TMEM132B: variants seen among roughly 807,000 people sequenced by gnomAD.
TMEM132B encodes transmembrane protein 132B.
TMEM132B carries 18 observed loss-of-function variants against 90.8 expected under a neutral mutation model. The ratio of observed to expected loss-of-function variants is 0.20; its 90% CI spans 0.14 to 0.29. The LOEUF is 0.29. Ranked by LOEUF, TMEM132B falls within the 10% of genes least tolerant of loss-of-function variation. TMEM132B has a pLI of 1.00. For synonymous variants in TMEM132B, 504 were observed against 523.3 expected (o/e 0.96, Z 0.50); for missense variants, 1,096 against 1,326.8 (o/e 0.83, Z 2.70).
intron 3 of TMEM132B, among the ~76,000 whole-genome samples, chr12:125,515,744 TCA>T (rs1883130239): frequency 1.3e-5 from 2 of 151,420 alleles, no homozygotes; most frequent in African/African-American, 4.9e-5. Context: ...ACACACATTC[TCA>T]CACATATTCA....
At chr12:125,509,914 G>A (rs1882937699) in intron 3 of TMEM132B, among the ~76,000 whole-genome samples, 1 of 152,152 alleles carries the variant, frequency 6.6e-6, no homozygotes, top group Non-Finnish European at 1.5e-5. Context: ...TTCTCTTTAA[G>A]GAGACCTGAA....
chr12:125,566,560 C>T (rs1313216265), intron 4 of TMEM132B, among the ~76,000 whole-genome samples: 1 of 152,120 alleles, frequency 6.6e-6, no homozygotes, highest in Non-Finnish European at 1.5e-5. Context: ...GTTGAGAGTT[C>T]CCTGTGGGGA....
At chr12:125,263,073 C>T (rs918426078) in intron 1 of TMEM132B, among the ~76,000 whole-genome samples, 1 of 152,198 alleles carries the variant, frequency 6.6e-6, no homozygotes, top group African/African-American at 2.4e-5. Context: ...TAGAACTGCT[C>T]GTTCCTTCTC....
At chr12:125,555,365 G>A (rs1432975536) in intron 4 of TMEM132B, among the ~76,000 whole-genome samples, 1 of 151,786 alleles carries the variant, frequency 6.6e-6, no homozygotes, top group Non-Finnish European at 1.5e-5. Flanking sequence ...AAGGCAGGAG[G>A]ATGTTAAAAT....
intron 4 of TMEM132B, among the ~76,000 whole-genome samples, chr12:125,529,920 A>C (rs527496255): frequency 6.6e-6 from 1 of 152,298 alleles, no homozygotes; most frequent in South Asian, 2.1e-4. Context: ...TTATCTTTCT[A>C]TGTATCTACA....
At chr12:125,648,025 G>A (rs1464068084) in intron 6 of TMEM132B, among the ~76,000 whole-genome samples, 3 of 149,132 alleles carry the variant, frequency 2.0e-5, no homozygotes, top group Non-Finnish European at 4.4e-5. Context: ...CTAGCATTAG[G>A]TATATCTCCC....
At chr12:125,300,074 G>A (rs943992216) in intron 1 of TMEM132B, among the ~76,000 whole-genome samples, 1 of 152,190 alleles carries the variant, frequency 6.6e-6, no homozygotes, top group Admixed American at 6.5e-5. Context: ...TGTGCTTGCT[G>A]CCTGCAACAC....
At chr12:125,366,771 A>T (rs1878145677) in intron 2 of TMEM132B, among the ~76,000 whole-genome samples, 1 of 151,748 alleles carries the variant, frequency 6.6e-6, no homozygotes, top group East Asian at 1.9e-4. Flanking sequence ...TCATTTCCTT[A>T]CTCCTCTGCA....
intron 3 of TMEM132B, among the ~76,000 whole-genome samples, chr12:125,449,930 T>G (rs1881105537): frequency 6.6e-6 from 1 of 152,214 alleles, no homozygotes; most frequent in Non-Finnish European, 1.5e-5. Context: ...CATTTGAATA[T>G]TAAATGTAGA....
chr12:125,586,054 T>A (rs1177401013), intron 5 of TMEM132B: 1 of 152,238 alleles, frequency 6.6e-6, no homozygotes, highest in Non-Finnish European at 1.5e-5. Flanking sequence ...CACAGAGCTA[T>A]GACCTTGGCA....
chr12:125,638,460 A>G (rs1490534694), intron 5 of TMEM132B, among the ~76,000 whole-genome samples: 1 of 152,240 alleles, frequency 6.6e-6, no homozygotes, highest in Non-Finnish European at 1.5e-5. Context: ...CACTAAACTC[A>G]GTAATACATA....
At chr12:125,377,593 G>T (rs11058154) in intron 2 of TMEM132B, among the ~76,000 whole-genome samples, 18,959 of 152,068 alleles carry the variant, frequency 0.12, 1,332 homozygotes, top group South Asian at 0.2. Flanking sequence ...TGTGTAAGTA[G>T]CTCAGAACAG....
chr12:125,570,542 A>G (rs1468797023), intron 4 of TMEM132B, among the ~76,000 whole-genome samples: 1 of 152,196 alleles, frequency 6.6e-6, no homozygotes, highest in Non-Finnish European at 1.5e-5. Context: ...TCTGAGTGCT[A>G]TCCTATTTGA....
chr12:125,211,095 G>C (rs988806270), intron 1 of TMEM132B, among the ~76,000 whole-genome samples: 3 of 151,992 alleles, frequency 2.0e-5, no homozygotes, highest in Non-Finnish European at 4.4e-5. Flanking sequence ...AAAACAAGGG[G>C]ATTATTTTTT....
At chr12:125,564,827 C>A (rs1884623708) in intron 4 of TMEM132B, among the ~76,000 whole-genome samples, 2 of 152,210 alleles carry the variant, frequency 1.3e-5, no homozygotes, top group African/African-American at 4.8e-5. Context: ...ATCTGAGAGA[C>A]AGCCACGCAA....
At chr12:125,613,473 A>G (rs1468257964) in intron 5 of TMEM132B, among the ~76,000 whole-genome samples, 3 of 151,702 alleles carry the variant, frequency 2.0e-5, no homozygotes, top group African/African-American at 7.2e-5. Flanking sequence ...GTTTGAATTT[A>G]CATTTTCTAC....
At chr12:125,287,391 G>A (rs1051497720) in intron 1 of TMEM132B, among the ~76,000 whole-genome samples, 29 of 152,056 alleles carry the variant, frequency 1.9e-4, no homozygotes, top group Non-Finnish European at 2.9e-5. Context: ...ATCTTTTGGG[G>A]GAGGCATTTA....
chr12:125,416,556 T>TGAA (rs1880020124), intron 3 of TMEM132B, among the ~76,000 whole-genome samples: 1 of 152,268 alleles, frequency 6.6e-6, no homozygotes, highest in Non-Finnish European at 1.5e-5. Flanking sequence ...TGTGAATGAA[T>TGAA]GAAGGCCTGG....
At position 125,408,873 on chromosome 12, in the gene TMEM132B, C is replaced by T. The variant is rs530376979; in HGVS notation, c.960-6658C>T. Among the ~76,000 whole-genome samples, 8 of 152,250 alleles carry T rather than the reference C, an allele frequency of 5.3e-5. No homozygotes were observed. Among genetic ancestry groups the T allele is most frequent in the Admixed American group, 5.2e-4 (8 of 15,294 alleles). On this transcript the variant is annotated intron_variant, in intron 2 of 8. Coordinates refer to ENST00000682704, the MANE Select transcript of TMEM132B (RefSeq NM_001366854.1). This position sits in a 1 kb window ranked among gnomAD's most constrained non-coding sequence, Gnocchi z 5.9. ...TCCCAGTCACTCCATGACCAGGCCACCATTTGCTTTTTTCTCTCTTTTCAG... is the reference window on the plus strand; with the variant it reads ...TCCCAGTCACTCCATGACCAGGCCATCATTTGCTTTTTTCTCTCTTTTCAG...
Sources: gnomAD v4.1 joint callset for allele counts (sites outside exome capture counted in the v4.1 genomes callset) on GRCh38, gnomAD v4.1.1 for gene constraint, Gnocchi (gnomAD v3.1) non-coding constraint, MANE v1.5 for transcripts, NCBI Gene and HGNC (gene_info 2026-07-23, HGNC 2026-07-21) for gene names.